SNX24: variants seen among roughly 807,000 people sequenced by gnomAD.
SNX24 encodes sorting nexin 24.
Under a neutral mutation model 28.7 loss-of-function variants are expected in SNX24, and 22 were observed. The ratio of observed to expected loss-of-function variants is 0.77; its 90% CI spans 0.55 to 1.10. The LOEUF (loss-of-function observed/expected upper bound fraction) is 1.10, where lower values mean the gene tolerates loss of function less well. SNX24 is among the 50% of genes least tolerant of loss of function. The probability of loss-of-function intolerance (pLI) is 0.00; values close to 1 mark genes in which losing one functional copy is unlikely to be tolerated. For synonymous variants in SNX24, 69 were observed against 71.5 expected (o/e 0.96, Z 0.18); for missense variants, 221 against 201.1 (o/e 1.10, Z -0.60).
intron 1 of SNX24, among the ~76,000 whole-genome samples, chr5:122,925,380 C>T (rs1344591803): frequency 6.6e-6 from 1 of 150,674 alleles, no homozygotes; most frequent in African/African-American, 2.4e-5. Flanking sequence ...GCTCACTCAA[C>T]CTCCAAAGTA....
In SNX24 at chr5:122,926,394, A is replaced by G. The variant is rs571074678; in HGVS notation, c.61-10340A>G. Among the ~76,000 whole-genome samples the G allele has an allele frequency of 3.3e-5, 5 of 152,288 alleles. No individual in the cohort carries two copies. In the South Asian group the frequency reaches 1.0e-3, roughly 32 times the overall value. ...ATAGATTGCTGCAGGGCAGGAGTGA[A>G]GCAGGGAGACCAGCAGGGAGGTTGT... On this transcript the variant is annotated intron_variant, in intron 1 of 6. Transcript: ENST00000261369.
intron 3 of SNX24, chr5:122,983,135 A>G (rs984763617): frequency 6.6e-6 from 1 of 151,788 alleles, no homozygotes; most frequent in Non-Finnish European, 1.5e-5. Flanking sequence ...GTGAATAATT[A>G]TATAATTAGT....
At chr5:122,921,108 A>G (rs1373314722) in intron 1 of SNX24, among the ~76,000 whole-genome samples, 1 of 152,014 alleles carries the variant, frequency 6.6e-6, no homozygotes, top group African/African-American at 2.4e-5. Flanking sequence ...ACTATTATGC[A>G]CATGTATTTA....
intron 3 of SNX24, among the ~76,000 whole-genome samples, chr5:122,950,550 A>G (rs1489491844): frequency 1.3e-5 from 2 of 152,242 alleles, no homozygotes; most frequent in Non-Finnish European, 2.9e-5. Context: ...CTCTTAGCAC[A>G]TAGCCTAGTA....
chr5:122,870,883 G>A (rs1755944168), intron 1 of SNX24, among the ~76,000 whole-genome samples: 2 of 152,150 alleles, frequency 1.3e-5, no homozygotes, highest in Admixed American at 1.3e-4. Context: ...AGCAAAGGAG[G>A]GTTTGGGCTT....
chr5:122,954,197 C>CTCTCTCTA (rs554412836), intron 3 of SNX24, among the ~76,000 whole-genome samples: 23 of 150,724 alleles, frequency 1.5e-4, no homozygotes, highest in Admixed American at 4.0e-4. Context: ...TTCTCTCTCT[C>CTCTCTCTA]TATATATATA....
At chr5:123,023,000 T>C (rs1021639082) in intron 5 of SNX24, among the ~76,000 whole-genome samples, 8 of 152,174 alleles carry the variant, frequency 5.3e-5, no homozygotes, top group African/African-American at 1.4e-4. Flanking sequence ...AGGGTCTCAC[T>C]ATGTTGCCCA....
At chr5:122,940,852 C>T (rs530214058) in intron 2 of SNX24, among the ~76,000 whole-genome samples, 1 of 152,330 alleles carries the variant, frequency 6.6e-6, no homozygotes, top group East Asian at 1.9e-4. Flanking sequence ...GGATTACAGG[C>T]GTGAGCCACT....
chr5:123,001,328 A>AT, intron 4 of SNX24, 77 bp from the exon 5 acceptor site: 1 of 960,544 alleles, frequency 1.0e-6, no homozygotes, highest in East Asian at 2.5e-5. Context: ...AATATTGGGT[A>AT]TTTTTTCCTT....
intron 1 of SNX24, among the ~76,000 whole-genome samples, chr5:122,852,692 G>A (rs1190368981): frequency 6.6e-6 from 1 of 152,114 alleles, no homozygotes; most frequent in Non-Finnish European, 1.5e-5. Context: ...GAGCAAATAA[G>A]TCTCCCTTCA....
At chr5:123,028,972 C>A (rs1762903664) in intron 5 of SNX24, 1 of 1,043,712 alleles carries the variant, frequency 9.6e-7, no homozygotes, top group Non-Finnish European at 1.4e-6. Context: ...AAACAAAATG[C>A]CTACAGAACT....
At chr5:122,979,601 C>A (rs903893166) in intron 3 of SNX24, among the ~76,000 whole-genome samples, 1 of 152,186 alleles carries the variant, frequency 6.6e-6, no homozygotes, top group African/African-American at 2.4e-5. Context: ...AAAGAAAGAA[C>A]ATTTGTGGTC....
In SNX24 at chr5:122,999,952, T is replaced by A. The variant is rs371066758; in HGVS notation, c.290T>A (p.Leu97His). The A allele has an allele frequency of 1.9e-6, 3 of 1,613,608 alleles. No homozygotes were observed. In the African/African-American group the frequency reaches 4.0e-5, roughly 22 times the overall value. ...AATGAAGAACTTCCCAAACTGTTTC[T>A]TGATTTCCTAAATGTGCGACACTTG... ...LENEELPKLF[L>H]DFLNVRHLPS... is the part of the protein sequence containing the mutation. Residue 97 changes from leucine (L) to histidine (H), a missense_variant, in exon 4 of 7, where the codon CTT becomes CAT. Physicochemically the swap from Leu to His is moderately conservative, Grantham distance 99 (BLOSUM62 -3). Coordinates refer to ENST00000261369, the MANE Select transcript of SNX24 (RefSeq NM_014035.4).
At chr5:123,026,193 C>A (rs1430568632) in intron 5 of SNX24, among the ~76,000 whole-genome samples, 2 of 152,162 alleles carry the variant, frequency 1.3e-5, no homozygotes, top group Non-Finnish European at 2.9e-5. Flanking sequence ...AAATATGGCA[C>A]AGGATAGTGG....
intron 6 of SNX24, among the ~76,000 whole-genome samples, chr5:123,002,315 A>G (rs13185741): frequency 0.22 from 33,939 of 152,066 alleles, 4,832 homozygotes; most frequent in Non-Finnish European, 0.33. Flanking sequence ...CCAGATGCCA[A>G]GGTTCAAATT....
intron 3 of SNX24, among the ~76,000 whole-genome samples, chr5:122,964,554 A>G (rs1760636750): frequency 6.6e-6 from 1 of 152,120 alleles, no homozygotes; most frequent in Non-Finnish European, 1.5e-5. Context: ...TGCTTTGTAA[A>G]TTCCTCTTTT....
intron 5 of SNX24, among the ~76,000 whole-genome samples, chr5:123,015,595 A>G (rs1273218562): frequency 3.9e-5 from 6 of 152,166 alleles, no homozygotes; most frequent in African/African-American, 7.2e-5. Context: ...ACTCTGTACA[A>G]CTTTTCAGGC....
intron 3 of SNX24, among the ~76,000 whole-genome samples, chr5:122,987,227 T>C (rs1337003883): frequency 6.6e-6 from 1 of 152,102 alleles, no homozygotes; most frequent in Non-Finnish European, 1.5e-5. Context: ...TAAAGGCTGA[T>C]TCTTCTAGAG....
rs75382182 is a variant in SNX24, at chr5:122,868,038, C to T, written c.60+22345C>T. Among the ~76,000 whole-genome samples, 847 of 152,346 alleles carry T rather than the reference C, an allele frequency of 5.6e-3. 11 individuals are homozygous for T. Among genetic ancestry groups the T allele is most frequent in the African/African-American group, 0.018 (764 of 41,576 alleles). The stretch of plus-strand genomic sequence containing the variant: ...GCTTCAAAGATATCCCAGAGAGGGA[C>T]AGTGTACTGCAGCTGTGCACTTCCA... On this transcript the variant is annotated intron_variant, in intron 1 of 6. Coordinates refer to ENST00000261369, the MANE Select transcript of SNX24 (RefSeq NM_014035.4).
Sources: allele counts gnomAD v4.1 joint callset (sites outside exome capture counted in the v4.1 genomes callset), GRCh38; gene constraint gnomAD v4.1.1; transcripts MANE v1.5; gene names NCBI Gene and HGNC (gene_info 2026-07-23, HGNC 2026-07-21).